ABCA13: variants seen among roughly 807,000 people sequenced by gnomAD.
ABCA13 encodes the protein ATP-binding cassette sub-family A member 13.
A neutral mutation model predicts 478.7 loss-of-function variants in ABCA13; 476 were observed. The ratio of observed to expected loss-of-function variants is 0.99; its 90% CI spans 0.92 to 1.07. ABCA13 has a LOEUF of 1.07. Ranked by LOEUF, ABCA13 falls within the 50% of genes least tolerant of loss-of-function variation. The probability of loss-of-function intolerance (pLI) is 0.00; values close to 1 mark genes in which losing one functional copy is unlikely to be tolerated. For missense variants in ABCA13, 6,060 were observed against 5,910.6 expected (o/e 1.03, Z -0.83); for synonymous variants, 2,252 against 2,158.9 (o/e 1.04, Z -1.20).
intron 58 of ABCA13, among the ~76,000 whole-genome samples, chr7:48,606,336 C>T (rs7796530): frequency 0.043 from 6,473 of 152,210 alleles, 436 homozygotes; most frequent in African/African-American, 0.15. Context: ...TCTGGTTTCA[C>T]CCCATCTTCA....
intron 27 of ABCA13, 63 bp from the exon 28 acceptor site, chr7:48,335,359 G>T: frequency 4.0e-6 from 5 of 1,264,028 alleles, no homozygotes; most frequent in East Asian, 2.4e-5. Context: ...AGTCCTTGTT[G>T]GAAGATTTAT....
chr7:48,275,710 T>C lies in ABCA13; in HGVS notation c.6044T>C (p.Leu2015Pro). ...TVQLISEDWS[L>P]EKSTHNLLSL... ...CAATTGATTTCTGAAGACTGGAGCCTAGAAAAAAGTACGCATAATCTACTC... is the reference window on the plus strand; with the variant it reads ...CAATTGATTTCTGAAGACTGGAGCCCAGAAAAAAGTACGCATAATCTACTC... Residue 2015 changes from leucine (L) to proline (P), a missense_variant, in exon 17 of 62, where the codon CTA (leucine) becomes CCA (proline). This residue lies in a region of ABCA13 where 4,423 missense variants were observed against 4,309.1 expected (regional missense o/e 1.03). Transcript: ENST00000435803. The C allele has an allele frequency of 6.2e-7, 1 of 1,600,568 alleles. No individual in the cohort carries two copies. Among genetic ancestry groups the C allele is most frequent in the Non-Finnish European group, 8.5e-7 (1 of 1,172,742 alleles).
At chr7:48,546,450 C>T (rs1156572420) in intron 55 of ABCA13, among the ~76,000 whole-genome samples, 2 of 148,358 alleles carry the variant, frequency 1.3e-5, no homozygotes, top group African/African-American at 2.5e-5. Flanking sequence ...TATATAGACA[C>T]AGAATTATAG....
chr7:48,323,493 G>A (rs893998030), intron 27 of ABCA13, among the ~76,000 whole-genome samples: 3 of 152,206 alleles, frequency 2.0e-5, no homozygotes, highest in East Asian at 1.9e-4. Flanking sequence ...TTTAGCAGTG[G>A]TGGGTGCCAT....
At chr7:48,563,823 TGTGTGTGTG>T (rs774737219) in intron 55 of ABCA13, among the ~76,000 whole-genome samples, 29 of 151,262 alleles carry the variant, frequency 1.9e-4, no homozygotes, top group Admixed American at 4.6e-4. Flanking sequence ...TGTGTGTGTG[TGTGTGTGTG>T]TGTGTGTTTT....
chr7:48,290,939 G>GAAAAAAAAAAAAAAAAAAAAAAAAAAAA (rs754416012), intron 20 of ABCA13, among the ~76,000 whole-genome samples: 1 of 79,612 alleles, frequency 1.3e-5, no homozygotes, highest in African/African-American at 5.2e-5. Context: ...TCACACTCAG[G>GAAAAAAAAAAAAAAAAAAAAAAAAAAAA]GAAAAAAAAA....
intron 55 of ABCA13, among the ~76,000 whole-genome samples, chr7:48,548,013 TGG>T (rs1307982176): frequency 1.3e-5 from 2 of 151,938 alleles, no homozygotes; most frequent in Non-Finnish European, 2.9e-5. Context: ...ACCTGTGGTG[TGG>T]CTTCTGTCAT....
chr7:48,536,933 A>C (rs1026584754), intron 55 of ABCA13, among the ~76,000 whole-genome samples: 9 of 151,968 alleles, frequency 5.9e-5, no homozygotes, highest in Non-Finnish European at 1.0e-4. Flanking sequence ...TAATTTTGAC[A>C]ATTTGTGTTT....
chr7:48,275,212 C>T lies in ABCA13; in HGVS notation c.5546C>T (p.Ser1849Phe). 6.2e-7 allele frequency: 1 copy of T among 1,613,906 alleles called. No homozygotes were observed. Among genetic ancestry groups the T allele is most frequent in the Non-Finnish European group, 8.5e-7 (1 of 1,179,854 alleles). Residue 1849 changes from serine (S) to phenylalanine (F), a missense_variant, in exon 17 of 62, where the codon TCT becomes TTT. Ser to Phe is a radical substitution (Grantham distance 155, BLOSUM62 -2). Around this residue, in one of 3 missense-constraint regions of ABCA13, gnomAD observed 4,423 missense variants for 4,309.1 expected, o/e 1.03. Coordinates refer to ENST00000435803, the MANE Select transcript of ABCA13 (RefSeq NM_152701.5). ...TGCAATGTCCATGGGCTCATGTCTT[C>T]TTCCTTTTATGGCAAAGTGGCCAGT... is the stretch of plus-strand genomic sequence containing the variant. Reference protein sequence around the residue: ...DPCNVHGLMSSSFYGKVASIL... With the variant: ...DPCNVHGLMSFSFYGKVASIL...
At chr7:48,505,222 GA>G (rs985420078) in intron 48 of ABCA13, among the ~76,000 whole-genome samples, 1 of 151,780 alleles carries the variant, frequency 6.6e-6, no homozygotes, top group Non-Finnish European at 1.5e-5. Context: ...CCAATAGAAG[GA>G]AAAAAAAGGC....
intron 29 of ABCA13, among the ~76,000 whole-genome samples, chr7:48,342,779 A>G (rs753874087): frequency 4.6e-5 from 7 of 152,084 alleles, no homozygotes; most frequent in Non-Finnish European, 8.8e-5. Context: ...TTTTCTCTTT[A>G]TACTTCAGTT....
At chr7:48,421,307 A>G (rs1030970352) in intron 41 of ABCA13, among the ~76,000 whole-genome samples, 1 of 151,904 alleles carries the variant, frequency 6.6e-6, no homozygotes, top group South Asian at 2.1e-4. Context: ...AATTATTACT[A>G]TGGCACTTGC....
At chr7:48,552,116 G>A (rs1415109539) in intron 55 of ABCA13, among the ~76,000 whole-genome samples, 1 of 151,386 alleles carries the variant, frequency 6.6e-6, no homozygotes, top group Non-Finnish European at 1.5e-5. Flanking sequence ...AAATAATTTT[G>A]GTTTCCTTGC....
intron 1 of ABCA13, among the ~76,000 whole-genome samples, chr7:48,184,311 A>G (rs917241384): frequency 1.3e-5 from 2 of 152,208 alleles, no homozygotes; most frequent in Non-Finnish European, 2.9e-5. Flanking sequence ...TGTAGGTATT[A>G]CAGATAACTG....
chr7:48,580,248 T>G lies in ABCA13; in HGVS notation c.14379T>G (p.Ala4793=). Residue 4793 remains alanine, a synonymous_variant, in exon 56 of 62, where the codon GCT becomes GCG. Coordinates refer to ENST00000435803, the MANE Select transcript of ABCA13 (RefSeq NM_152701.5). The stretch of plus-strand genomic sequence containing the variant: ...GAGACGCCGTGGACCTGTCTTCTGC[T>G]GGCACGGCAGGCGTGCTCATTGGCT... ...PMGDAVDLSS[A]GTAGVLIGYC... is the part of the protein sequence containing the mutation. 6.2e-7 allele frequency: 1 copy of G among 1,611,396 alleles called. No homozygotes were observed.
At chr7:48,287,608 G>A (rs1797941838) in intron 19 of ABCA13, among the ~76,000 whole-genome samples, 1 of 152,176 alleles carries the variant, frequency 6.6e-6, no homozygotes, top group African/African-American at 2.4e-5. Context: ...ATGACAGAGG[G>A]CACTGTTCAT....
rs916495425 is a variant in ABCA13, at chr7:48,275,506, C to A, written c.5840C>A (p.Ser1947Tyr). 1 of 1,613,800 alleles carries A rather than the reference C, an allele frequency of 6.2e-7. No individual in the cohort carries two copies. Among genetic ancestry groups the A allele is most frequent in the Non-Finnish European group, 8.5e-7 (1 of 1,179,832 alleles). Residue 1947 changes from serine (S) to tyrosine (Y), a missense_variant, in exon 17 of 62, where the codon TCC becomes TAC. Coordinates refer to ENST00000435803, the MANE Select transcript of ABCA13 (RefSeq NM_152701.5). ...ATCTCTGAACTCTGTCCTAGTGGTT[C>A]CATAAAGCAAGTTGCTTTGCAAATC... ...DSISELCPSG[S>Y]IKQVALQIIE...
Position 48,227,259 on chromosome 7 carries a change from C to T in ABCA13, c.469-3C>T. 1 of 1,612,094 alleles carries T rather than the reference C, an allele frequency of 6.2e-7. No individual in the cohort carries two copies. Among genetic ancestry groups the T allele is most frequent in the Non-Finnish European group, 8.5e-7 (1 of 1,179,362 alleles). On this transcript the variant is annotated splice_polypyrimidine_tract_variant and splice_region_variant and intron_variant, in intron 5 of 61. Coordinates refer to ENST00000435803, the MANE Select transcript of ABCA13 (RefSeq NM_152701.5). ...ACTTTTGGTGTATTTTTTTTCCCAT[C>T]AGATGGATCTCAATAAGACCGAGGA...
At chr7:48,185,932 A>G (rs1279967521) in intron 1 of ABCA13, among the ~76,000 whole-genome samples, 1 of 151,986 alleles carries the variant, frequency 6.6e-6, no homozygotes, top group African/African-American at 2.4e-5. Context: ...TTTGTTATGT[A>G]TTAATCCTCT....
Sources: allele counts gnomAD v4.1 joint callset (sites outside exome capture counted in the v4.1 genomes callset), GRCh38; gene constraint gnomAD v4.1.1; regional missense constraint gnomAD v4.1.1; transcripts MANE v1.5; gene names NCBI Gene and HGNC (gene_info 2026-07-23, HGNC 2026-07-21).